The following TANC1 variants were observed in gnomAD, a reference collection of about 807,000 sequenced individuals.
The protein encoded by TANC1 is tetratricopeptide repeat, ankyrin repeat and coiled-coil containing 1, also known as protein TANC1.
Under a neutral mutation model 149.7 loss-of-function variants are expected in TANC1, and 77 were observed. The ratio of observed to expected loss-of-function variants is 0.51; its 90% CI spans 0.43 to 0.62. The LOEUF (loss-of-function observed/expected upper bound fraction) is 0.62, where lower values mean the gene tolerates loss of function less well. Among genes scored for constraint, TANC1 ranks in the 20% least tolerant of loss-of-function variants. The pLI is 0.00. For synonymous variants in TANC1, 854 were observed against 925.0 expected (o/e 0.92, Z 1.39); for missense variants, 1,985 against 2,321.8 (o/e 0.85, Z 2.98).
intron 2 of TANC1, among the ~76,000 whole-genome samples, chr2:159,053,959 G>GA (rs1423647391): frequency 1.3e-5 from 2 of 152,232 alleles, no homozygotes; most frequent in East Asian, 3.8e-4. Context: ...CTGTACTGTA[G>GA]ATGTCTCTCA....
intron 2 of TANC1, among the ~76,000 whole-genome samples, chr2:159,023,783 A>G (rs866214373): frequency 3.3e-5 from 5 of 152,058 alleles, no homozygotes; most frequent in Non-Finnish European, 7.4e-5. Flanking sequence ...CCTGACCAAC[A>G]TGGTGAAACT....
chr2:159,084,486 C>A (rs1574545537), intron 3 of TANC1, among the ~76,000 whole-genome samples: 1 of 152,138 alleles, frequency 6.6e-6, no homozygotes, highest in Middle Eastern at 3.4e-3. Context: ...TCCCGTTTTC[C>A]TTGTAAGGAG....
chr2:159,118,533 T>C (rs1422141758), intron 4 of TANC1, among the ~76,000 whole-genome samples: 1 of 152,200 alleles, frequency 6.6e-6, no homozygotes, highest in East Asian at 1.9e-4. Flanking sequence ...TAAGGGAGGC[T>C]GAGATAAGTC....
intron 16 of TANC1, among the ~76,000 whole-genome samples, chr2:159,189,884 G>C (rs1330028232): frequency 6.6e-6 from 1 of 152,156 alleles, no homozygotes; most frequent in African/African-American, 2.4e-5. Flanking sequence ...TGTGCATCAA[G>C]GTTAAGAACC....
At chr2:159,223,327 G>A (rs918294232) in intron 22 of TANC1, among the ~76,000 whole-genome samples, 2 of 151,902 alleles carry the variant, frequency 1.3e-5, no homozygotes, top group East Asian at 1.9e-4. Flanking sequence ...TGTAGCCATC[G>A]TAATGGGTAT....
At chr2:159,117,645 C>T (rs1456172450) in intron 4 of TANC1, among the ~76,000 whole-genome samples, 5 of 151,508 alleles carry the variant, frequency 3.3e-5, no homozygotes, top group Non-Finnish European at 5.9e-5. Flanking sequence ...ACCCGCCTGC[C>T]TCGGCCTCCC....
At chr2:159,112,324 C>G (rs76548692) in intron 4 of TANC1, among the ~76,000 whole-genome samples, 2 of 151,978 alleles carry the variant, frequency 1.3e-5, no homozygotes, top group Admixed American at 6.6e-5. Context: ...TCATCTTGCT[C>G]GGCTCACTGC....
intron 2 of TANC1, among the ~76,000 whole-genome samples, chr2:159,028,682 A>G (rs574192169): frequency 6.6e-6 from 1 of 152,320 alleles, no homozygotes; most frequent in South Asian, 2.1e-4. Context: ...TATTCTTTCA[A>G]CAATTCTCCA....
intron 5 of TANC1, among the ~76,000 whole-genome samples, chr2:159,146,149 C>A (rs2052055505): frequency 6.6e-6 from 1 of 152,166 alleles, no homozygotes; most frequent in Non-Finnish European, 1.5e-5. Context: ...TCCTAAGCAA[C>A]TCATCACTCC....
chr2:159,153,807 C>T (rs1322654069), intron 7 of TANC1, among the ~76,000 whole-genome samples: 1 of 152,180 alleles, frequency 6.6e-6, no homozygotes, highest in East Asian at 1.9e-4. Flanking sequence ...CCTTTTCCAT[C>T]TGAAGAGCAT....
chr2:159,219,636 T>C (rs2059564275), intron 21 of TANC1, 56 bp from the exon 22 acceptor site: 1 of 1,607,602 alleles, frequency 6.2e-7, no homozygotes, highest in Non-Finnish European at 8.5e-7. Context: ...AACAATTTGC[T>C]TTCTGGCTTT....
chr2:159,061,736 C>G (rs762629358), intron 2 of TANC1, among the ~76,000 whole-genome samples: 1 of 152,112 alleles, frequency 6.6e-6, no homozygotes, highest in African/African-American at 2.4e-5. Context: ...GAAAAGATAC[C>G]TTTTCTCCCC....
chr2:159,221,102 G>T (rs1386185147), intron 22 of TANC1, among the ~76,000 whole-genome samples: 1 of 152,174 alleles, frequency 6.6e-6, no homozygotes, highest in Non-Finnish European at 1.5e-5. Flanking sequence ...TGTAATCCCG[G>T]CACTTTGGGA....
intron 1 of TANC1, among the ~76,000 whole-genome samples, chr2:158,989,938 C>T (rs1201989085): frequency 1.3e-5 from 2 of 148,570 alleles, no homozygotes; most frequent in Non-Finnish European, 3.0e-5. Context: ...TTTTTGGAGA[C>T]GGATTCTCGC....
Position 159,188,771 on chromosome 2 carries a change from G to A in TANC1, c.2742+1747G>A, listed in dbSNP as rs145473943. ...CAAGCCTCTTCTGGTCCTCATGATC[G>A]TATTGCCTCGCATATCCCCAGCTCC... On this transcript the variant is annotated intron_variant, in intron 16 of 26. Transcript: ENST00000263635. 1.5e-3 allele frequency among the ~76,000 whole-genome samples: 232 copies of A among 152,356 alleles called. 1 individual carries two copies. The highest frequency in any genetic ancestry group is 5.4e-3 in the African/African-American group (223 of 41,584).
chr2:159,079,346 C>CTTTTTTTTTTTTTT (rs68143585), intron 3 of TANC1, among the ~76,000 whole-genome samples: 1 of 109,918 alleles, frequency 9.1e-6, no homozygotes, highest in Non-Finnish European at 1.7e-5. Flanking sequence ...GTGTGTGTGT[C>CTTTTTTTTTTTTTT]TTTTTTTTTT....
intron 19 of TANC1, 127 bp from the exon 20 acceptor site, chr2:159,217,370 C>A (rs1035058): frequency 1.6e-6 from 2 of 1,220,610 alleles, no homozygotes; most frequent in Non-Finnish European, 2.3e-6. Context: ...ACAGAGCCCC[C>A]GCAGGTTCAA....
intron 7 of TANC1, among the ~76,000 whole-genome samples, chr2:159,156,385 CA>C (rs2053443507): frequency 6.6e-6 from 1 of 152,264 alleles, no homozygotes; most frequent in Non-Finnish European, 1.5e-5. Context: ...TTTGAGTCAG[CA>C]AAGAGCCTGC....
intron 16 of TANC1, among the ~76,000 whole-genome samples, chr2:159,192,239 G>T (rs80285408): frequency 0.056 from 8,476 of 152,124 alleles, 413 homozygotes; most frequent in Admixed American, 0.16. Context: ...TTTCTTTTAG[G>T]AACACATCCC....
Sources: allele counts gnomAD v4.1 joint callset (sites outside exome capture counted in the v4.1 genomes callset), GRCh38; gene constraint gnomAD v4.1.1; transcripts MANE v1.5; gene names NCBI Gene and HGNC (gene_info 2026-07-23, HGNC 2026-07-21).